TRIM50: variants seen among roughly 807,000 people sequenced by gnomAD.
The protein encoded by TRIM50 is tripartite motif containing 50.
Under a neutral mutation model 44.9 loss-of-function variants are expected in TRIM50, and 34 were observed. The ratio of observed to expected loss-of-function variants is 0.76; its 90% CI spans 0.58 to 1.01. The LOEUF is 1.01. TRIM50 is among the 50% of genes least tolerant of loss of function. TRIM50 has a pLI of 0.00. For missense variants in TRIM50, 633 were observed against 663.7 expected (o/e 0.95, Z 0.51); for synonymous variants, 307 against 291.1 (o/e 1.05, Z -0.56).
chr7:73,327,212 T>TA (rs1804655270), intron 1 of TRIM50, among the ~76,000 whole-genome samples: 1 of 152,022 alleles, frequency 6.6e-6, no homozygotes, highest in African/African-American at 2.4e-5. Context: ...GGCTGTAGCT[T>TA]ACGCCTATAA....
chr7:73,320,079 A>G, intron 3 of TRIM50, 68 bp downstream of exon 3: 2 of 1,612,620 alleles, frequency 1.2e-6, no homozygotes, highest in Non-Finnish European at 1.7e-6. Context: ...AGGACCAATG[A>G]GAACTGAGTT....
rs146309415 is a variant in TRIM50, at chr7:73,320,225, G to C, written c.417C>G (p.Leu139=). 2 of 1,613,864 alleles carry C rather than the reference G, an allele frequency of 1.2e-6. No homozygotes were observed. Among genetic ancestry groups the C allele is most frequent in the Non-Finnish European group, 1.7e-6 (2 of 1,179,884 alleles). ...YSRMKEELAA[L]ISELKQEQKK... ...TCTGCTCCTGCTTCAGCTCAGAGAT[G>C]AGGGCTGCGAGCTCCTCCTGGAGGC... is the stretch of plus-strand genomic sequence containing the variant. Residue 139 remains leucine (L), a synonymous_variant, in exon 3 of 7, where the codon CTC becomes CTG. Coordinates refer to ENST00000333149, the MANE Select transcript of TRIM50 (RefSeq NM_178125.3).
chr7:73,312,814 C>G lies in TRIM50; in HGVS notation c.*107G>C, dbSNP rs1804250485. ...TCCAGGGACACACAGGCCTGAAGACCTTCCTAAACAGTGACGATATCACCT... is the reference window on the plus strand; with the variant it reads ...TCCAGGGACACACAGGCCTGAAGACGTTCCTAAACAGTGACGATATCACCT... On this transcript the variant is annotated 3_prime_UTR_variant, in exon 7 of 7. Coordinates refer to ENST00000333149, the MANE Select transcript of TRIM50 (RefSeq NM_178125.3). 3 of 878,620 alleles carry G rather than the reference C, an allele frequency of 3.4e-6. No homozygotes were observed. Among genetic ancestry groups the G allele is most frequent in the Non-Finnish European group, 3.4e-6 (2 of 591,722 alleles). The allele number at this position is 878,620 out of a possible 1,614,324, so 54.4% of individuals were successfully genotyped here. A position where few individuals can be genotyped will look rare whatever the true frequency, so the allele number is the denominator to read the frequency against.
chr7:73,319,530 C>CG (rs1804443309), intron 3 of TRIM50, among the ~76,000 whole-genome samples: 1 of 152,210 alleles, frequency 6.6e-6, no homozygotes, highest in Non-Finnish European at 1.5e-5. Flanking sequence ...AGGCCCTAGG[C>CG]GAGCAGGCTT....
intron 2 of TRIM50, 85 bp from the exon 3 acceptor site, chr7:73,320,327 T>C: frequency 6.3e-7 from 1 of 1,594,962 alleles, no homozygotes; most frequent in Non-Finnish European, 8.6e-7. Flanking sequence ...AGTATCCCAA[T>C]GGCCACAAGC....
intron 6 of TRIM50, among the ~76,000 whole-genome samples, chr7:73,315,944 G>A (rs1290258129): frequency 8.0e-5 from 12 of 150,646 alleles, no homozygotes; most frequent in Admixed American, 6.0e-4. Flanking sequence ...GCAATGGCAC[G>A]ATATCAACTC....
At position 73,320,260 on chromosome 7, in the gene TRIM50, T is replaced by C; in HGVS notation, c.400-18A>G. On this transcript the variant is annotated intron_variant, in intron 2 of 6. Coordinates refer to ENST00000333149, the MANE Select transcript of TRIM50 (RefSeq NM_178125.3). The stretch of plus-strand genomic sequence containing the variant: ...AGCTCCTCCTGGAGGCAACAGGCCA[T>C]GGCCCCATGAGCAGCTGATCCCTCC... 1 of 1,614,020 alleles carries C rather than the reference T, an allele frequency of 6.2e-7. No homozygotes were observed. The highest frequency in any genetic ancestry group is 8.5e-7 in the Non-Finnish European group (1 of 1,179,874).
chr7:73,313,263 G>T lies in TRIM50; in HGVS notation c.1122C>A (p.Gly374=), dbSNP rs1804272574. The change falls in exon 7 of 7, where the codon GGC becomes GGA. Residue 374 remains glycine, a synonymous_variant. Transcript: ENST00000333149. This position sits in a 1 kb window ranked among gnomAD's most constrained non-coding sequence, Gnocchi z 4.9. The part of the protein sequence containing the change: ...GVIKGTASRK[G]KLNRSPEHGV... ...CGTGCTCGGGGGACCTGTTCAGCTT[G>T]CCCTTACGGCTGGCTGTGCCCTTGA... 4 of 1,601,164 alleles carry T rather than the reference G, an allele frequency of 2.5e-6. No individual in the cohort carries two copies. The East Asian group carries it at 9.0e-5, about 36-fold the overall frequency.
intron 1 of TRIM50, 97 bp from the exon 2 acceptor site, chr7:73,324,902 G>T (rs1804589015): frequency 2.6e-6 from 4 of 1,547,788 alleles, no homozygotes; most frequent in Non-Finnish European, 1.7e-6. Context: ...CAGAATTTTA[G>T]AGGAAACACT....
intron 1 of TRIM50, 97 bp from the exon 2 acceptor site, chr7:73,324,902 G>A (rs1804589015): frequency 6.5e-7 from 1 of 1,547,788 alleles, no homozygotes; most frequent in African/African-American, 1.4e-5. Flanking sequence ...CAGAATTTTA[G>A]AGGAAACACT....
intron 2 of TRIM50, among the ~76,000 whole-genome samples, chr7:73,321,368 C>A (rs1340074563): frequency 6.6e-6 from 1 of 152,068 alleles, no homozygotes; most frequent in African/African-American, 2.4e-5. Context: ...ACCAGCAGAT[C>A]CAGAATTAGT....
rs371650600 is a variant in TRIM50 at position 73,320,180 on chromosome 7, G to C, written c.462C>G (p.Ile154Met). 2 of 1,614,008 alleles carry C rather than the reference G, an allele frequency of 1.2e-6. No homozygotes were observed. Among genetic ancestry groups the C allele is most frequent in the Non-Finnish European group, 1.7e-6 (2 of 1,179,880 alleles). The change falls in exon 3 of 7, where the codon ATC (isoleucine) becomes ATG (methionine). Residue 154 changes from isoleucine to methionine, a missense_variant. Ile to Met is a conservative substitution (Grantham distance 10, BLOSUM62 1). Transcript: ENST00000333149. ...GGGTCCGGTTGTTCACCAGTTTGGC[G>C]ATGAGCTCATCCACCTTTTTCTGCT... is the stretch of plus-strand genomic sequence containing the variant. ...KQEQKKVDEL[I>M]AKLVNNRTRI... is the part of the protein sequence containing the mutation.
chr7:73,322,823 C>T (rs1282825723), intron 2 of TRIM50, among the ~76,000 whole-genome samples: 2 of 152,196 alleles, frequency 1.3e-5, no homozygotes, highest in Non-Finnish European at 2.9e-5. Flanking sequence ...CAGTGACCAC[C>T]AGGAGGAAGG....
chr7:73,323,392 T>C (rs1183365394), intron 2 of TRIM50, among the ~76,000 whole-genome samples: 1 of 152,146 alleles, frequency 6.6e-6, no homozygotes, highest in African/African-American at 2.4e-5. Flanking sequence ...ATTTTGAAAC[T>C]TTTGTAGAGG....
rs782578720 is a variant in TRIM50, at chr7:73,313,005, C to T, written c.1380G>A (p.Glu460=). ...LYPILDTCWH[E]RGSNSLPMVL... is the part of the protein sequence containing the mutation. ...CCATGGGCAGCGAGTTGCTGCCCCT[C>T]TCGTGCCAGCAGGTGTCCAGGATGG... is the stretch of plus-strand genomic sequence containing the variant. The change falls in exon 7 of 7, where the codon GAG becomes GAA. Residue 460 remains glutamate, a synonymous_variant. Coordinates refer to ENST00000333149, the MANE Select transcript of TRIM50 (RefSeq NM_178125.3). This position sits in a 1 kb window ranked among gnomAD's most constrained non-coding sequence, Gnocchi z 4.9. 3.2e-6 allele frequency: 5 copies of T among 1,554,928 alleles called. No homozygotes were observed. The East Asian group carries it at 9.7e-5, about 30-fold the overall frequency.
rs1804683977 is a variant in TRIM50 at position 73,328,024 on chromosome 7, C to G, written c.-143G>C. 6.0e-6 allele frequency: 4 copies of G among 665,618 alleles called. No homozygotes were observed. The highest frequency in any genetic ancestry group is 1.0e-5 in the Non-Finnish European group (4 of 386,880). The allele number at this position is 665,618 out of a possible 1,614,324, so 41.2% of individuals were successfully genotyped here. A position where few individuals can be genotyped will look rare whatever the true frequency, so the allele number is the denominator to read the frequency against. On this transcript the variant is annotated 5_prime_UTR_variant, in exon 1 of 7. Transcript: ENST00000333149. Reference sequence around the variant, plus strand: ...CCCCCACGTCCGTGCCTCATCATGACCCGCACGCTATGGTTACATGCCCCG... The same window carrying G: ...CCCCCACGTCCGTGCCTCATCATGAGCCGCACGCTATGGTTACATGCCCCG...
At chr7:73,322,326 G>A (rs1205362678) in intron 2 of TRIM50, among the ~76,000 whole-genome samples, 4 of 152,164 alleles carry the variant, frequency 2.6e-5, no homozygotes, top group Admixed American at 2.6e-4. Context: ...TCCAGCCTGG[G>A]CGACAGAGCG....
intron 1 of TRIM50, among the ~76,000 whole-genome samples, chr7:73,326,679 G>T (rs1394924210): frequency 6.6e-6 from 1 of 151,932 alleles, no homozygotes; most frequent in East Asian, 1.9e-4. Flanking sequence ...GCATCATATA[G>T]AATGTACTCT....
At chr7:73,318,509 C>T (rs534865691) in intron 5 of TRIM50, among the ~76,000 whole-genome samples, 178 bp downstream of exon 5, 6 of 152,264 alleles carry the variant, frequency 3.9e-5, no homozygotes, top group Non-Finnish European at 5.9e-5. Context: ...CACCCATCTA[C>T]GAGACCCTTG....
Sources: allele counts gnomAD v4.1 joint callset (sites outside exome capture counted in the v4.1 genomes callset), GRCh38; gene constraint gnomAD v4.1.1; non-coding constraint Gnocchi (gnomAD v3.1); transcripts MANE v1.5; gene names NCBI Gene and HGNC (gene_info 2026-07-23, HGNC 2026-07-21).